Variants in EPB41L4A observed in about 807,000 individuals in gnomAD.
The protein encoded by EPB41L4A is band 4.1-like protein 4A.
A neutral mutation model predicts 108.6 loss-of-function variants in EPB41L4A; 100 were observed. The observed-to-expected ratio is 0.92, with a 90% CI of 0.78 to 1.09. The LOEUF is 1.09. EPB41L4A is among the 50% of genes least tolerant of loss of function. The probability of loss-of-function intolerance (pLI) is 0.00; values close to 1 mark genes in which losing one functional copy is unlikely to be tolerated. For synonymous variants in EPB41L4A, 319 were observed against 289.0 expected (o/e 1.10, Z -1.05); for missense variants, 1,030 against 842.7 (o/e 1.22, Z -2.75).
chr5:112,293,443 G>A (rs1436484509), intron 2 of EPB41L4A, among the ~76,000 whole-genome samples: 1 of 152,022 alleles, frequency 6.6e-6, no homozygotes, highest in East Asian at 1.9e-4. Context: ...CTCCAAGATA[G>A]AATTCAGCCC....
chr5:112,260,775 G>C (rs1247896268), intron 7 of EPB41L4A, among the ~76,000 whole-genome samples: 1 of 152,188 alleles, frequency 6.6e-6, no homozygotes, highest in African/African-American at 2.4e-5. Context: ...CTGTTTGTGA[G>C]AATGTTATTT....
chr5:112,344,872 G>C (rs1294910250), intron 1 of EPB41L4A, among the ~76,000 whole-genome samples: 1 of 152,220 alleles, frequency 6.6e-6, no homozygotes, highest in African/African-American at 2.4e-5. Context: ...AGTACAGAAA[G>C]AGACTGGAGT....
At chr5:112,297,450 G>A (rs1363631473) in intron 2 of EPB41L4A, among the ~76,000 whole-genome samples, 1 of 151,902 alleles carries the variant, frequency 6.6e-6, no homozygotes, top group Non-Finnish European at 1.5e-5. Context: ...TTCGAGAATT[G>A]TCCACTCATG....
At chr5:112,141,938 G>A (rs570732951), downstream of EPB41L4A, among the ~76,000 whole-genome samples, 65 of 152,244 alleles carry the variant, frequency 4.3e-4, no homozygotes, top group South Asian at 1.7e-3. Context: ...CAACAACACC[G>A]TGAGAACTAT....
At chr5:112,210,592 G>C (rs978259376) in intron 12 of EPB41L4A, among the ~76,000 whole-genome samples, 1 of 152,096 alleles carries the variant, frequency 6.6e-6, no homozygotes, top group African/African-American at 2.4e-5. Context: ...ATACACGCTA[G>C]AGGAACCAGC....
At chr5:112,198,819 G>A (rs1217332989) in intron 15 of EPB41L4A, among the ~76,000 whole-genome samples, 3 of 151,648 alleles carry the variant, frequency 2.0e-5, no homozygotes, top group Non-Finnish European at 4.4e-5. Flanking sequence ...TGTATTGATA[G>A]AAATTCATGG....
intron 1 of EPB41L4A, among the ~76,000 whole-genome samples, chr5:112,357,841 C>G (rs140441005): frequency 9.2e-5 from 14 of 152,248 alleles, no homozygotes; most frequent in African/African-American, 3.4e-4. Flanking sequence ...TGAGAATGAG[C>G]AGTATGTAAA....
chr5:112,398,146 G>A (rs1580830019), intron 1 of EPB41L4A, among the ~76,000 whole-genome samples: 1 of 152,282 alleles, frequency 6.6e-6, no homozygotes, highest in East Asian at 1.9e-4. Flanking sequence ...GAGATGGAAG[G>A]TAGTCTTAGA....
chr5:112,158,471 T>A (rs1390651953), downstream of EPB41L4A: 1 of 406,408 alleles, frequency 2.5e-6, no homozygotes, highest in Non-Finnish European at 4.9e-6. Context: ...GAGGTAGATA[T>A]AAACTAAACC....
intron 22 of EPB41L4A, among the ~76,000 whole-genome samples, chr5:112,168,497 T>C (rs1460907940): frequency 6.6e-6 from 1 of 152,214 alleles, no homozygotes; most frequent in Admixed American, 6.5e-5. Context: ...ATCTTTGTTA[T>C]CCTCAGCTGT....
chr5:112,181,543 C>T (rs1761155660), intron 18 of EPB41L4A, among the ~76,000 whole-genome samples: 1 of 152,124 alleles, frequency 6.6e-6, no homozygotes, highest in Non-Finnish European at 1.5e-5. Flanking sequence ...AAATTCCACA[C>T]ACATACTTGT....
intron 14 of EPB41L4A, among the ~76,000 whole-genome samples, chr5:112,205,012 GAT>G (rs1472459622): frequency 1.3e-5 from 2 of 152,186 alleles, no homozygotes; most frequent in Admixed American, 6.5e-5. Context: ...TGTGACCAGA[GAT>G]ACACTAGACA....
Position 112,163,356 on chromosome 5 carries a change from T to C in EPB41L4A, c.*1634A>G, listed in dbSNP as rs1760032979. On this transcript the variant is annotated 3_prime_UTR_variant, in exon 23 of 23. Transcript: ENST00000261486. ...TACCTTTGAGAAACCCAAATGGTCT[T>C]TTTGCAGTAGCACATTACTCAGTAG... 1 of 152,208 alleles carries C rather than the reference T, an allele frequency of 6.6e-6. No homozygotes were observed. Among genetic ancestry groups the C allele is most frequent in the African/African-American group, 2.4e-5 (1 of 41,434 alleles). 9.4% of individuals were successfully genotyped at this position (152,208 alleles called of 1,614,324 possible).
chr5:112,329,224 A>C (rs140888468), intron 1 of EPB41L4A, among the ~76,000 whole-genome samples: 137 of 152,384 alleles, frequency 9.0e-4, no homozygotes, highest in African/African-American at 3.1e-3. Flanking sequence ...TATTTTAGAT[A>C]TATTGAATTA....
intron 1 of EPB41L4A, among the ~76,000 whole-genome samples, chr5:112,406,036 C>A (rs939072102): frequency 3.3e-5 from 5 of 152,166 alleles, no homozygotes; most frequent in Non-Finnish European, 5.9e-5. Context: ...TATACCCTCA[C>A]ACTCAAAACA....
intron 1 of EPB41L4A, among the ~76,000 whole-genome samples, chr5:112,312,733 A>G (rs937850015): frequency 6.6e-6 from 1 of 152,198 alleles, no homozygotes; most frequent in Non-Finnish European, 1.5e-5. Context: ...ACCTCTTCCA[A>G]TAACCCTTTG....
In EPB41L4A at chr5:112,404,766, C is replaced by T. The variant is rs188120009; in HGVS notation, c.99+14175G>A. Among the ~76,000 whole-genome samples the T allele has an allele frequency of 6.6e-5, 10 of 152,318 alleles. No homozygotes were observed. The East Asian group carries it at 9.7e-4, about 15-fold the overall frequency. On this transcript the variant is annotated intron_variant, in intron 1 of 22. Coordinates refer to ENST00000261486, the MANE Select transcript of EPB41L4A (RefSeq NM_022140.5). ...AGAAGCAATCTAATTCACCTCTTCA[C>T]GCCCTGCATCAAGTGCAGGGCCTGG...
At chr5:112,259,179 A>T (rs1358939668) in intron 9 of EPB41L4A, 50 bp downstream of exon 9, 1 of 1,366,310 alleles carries the variant, frequency 7.3e-7, no homozygotes, top group Non-Finnish European at 1.0e-6. Flanking sequence ...CTACAAATGA[A>T]CACACAAGAC....
chr5:112,287,698 A>G (rs183811271), intron 2 of EPB41L4A, among the ~76,000 whole-genome samples: 81 of 152,182 alleles, frequency 5.3e-4, no homozygotes, highest in African/African-American at 1.8e-3. Context: ...TGAAGTAGCA[A>G]GAAGGACCTT....
Sources: allele counts gnomAD v4.1 joint callset (sites outside exome capture counted in the v4.1 genomes callset), GRCh38; gene constraint gnomAD v4.1.1; transcripts MANE v1.5; gene names NCBI Gene and HGNC (gene_info 2026-07-23, HGNC 2026-07-21).